The following TLN2 variants were observed in gnomAD, a reference collection of about 807,000 sequenced individuals.
TLN2 encodes the protein talin-2.
Under a neutral mutation model 294.7 loss-of-function variants are expected in TLN2, and 118 were observed. The observed-to-expected ratio is 0.40, with a 90% CI of 0.34 to 0.47. The LOEUF is 0.47. TLN2 is among the 20% of genes least tolerant of loss of function. TLN2 has a pLI of 0.84. For synonymous variants in TLN2, 1,431 were observed against 1,304.5 expected (o/e 1.10, Z -2.09); for missense variants, 3,083 against 3,282.2 (o/e 0.94, Z 1.48).
intron 54 of TLN2, chr15:62,831,605 C>T (rs1268554589): frequency 2.0e-5 from 3 of 152,074 alleles, no homozygotes; most frequent in African/African-American, 7.2e-5. Context: ...ATTCTATACT[C>T]CACCAGTCCA....
Position 62,702,811 on chromosome 15 carries a change from A to G in TLN2, c.1951A>G (p.Ser651Gly), listed in dbSNP as rs753813270. The change falls in exon 19 of 59, where the codon AGT becomes GGT. Residue 651 changes from serine to glycine, a missense_variant. Physicochemically the swap from Ser to Gly is moderately conservative, Grantham distance 56 (BLOSUM62 0). Transcript: ENST00000636159. ...LTAAGSIGQASGDLLRQIGEN... is the reference protein window; with the variant it reads ...LTAAGSIGQAGGDLLRQIGEN... ...TGCTGCTGGCAGCATCGGACAAGCC[A>G]GTGGGGATCTTCTGAGACAGATTGG... 1.2e-6 allele frequency: 2 copies of G among 1,614,070 alleles called. No homozygotes were observed. The highest frequency in any genetic ancestry group is 1.7e-6 in the Non-Finnish European group (2 of 1,180,040).
At chr15:62,534,569 T>C (rs2140505738) in intron 1 of TLN2, among the ~76,000 whole-genome samples, 1 of 152,286 alleles carries the variant, frequency 6.6e-6, no homozygotes, top group East Asian at 1.9e-4. Flanking sequence ...CCAGTCCATG[T>C]GAGTTTTTAT....
chr15:62,395,491 T>C (rs1003892294), intron 1 of TLN2, among the ~76,000 whole-genome samples: 5 of 152,206 alleles, frequency 3.3e-5, no homozygotes, highest in African/African-American at 9.7e-5. Context: ...AGACCATTGA[T>C]ATAAGTGTGA....
At chr15:62,518,960 A>G (rs911580677) in intron 1 of TLN2, among the ~76,000 whole-genome samples, 3 of 152,214 alleles carry the variant, frequency 2.0e-5, no homozygotes, top group Non-Finnish European at 4.4e-5. Flanking sequence ...GGCACTTTAC[A>G]TGTGCCACAC....
intron 3 of TLN2, among the ~76,000 whole-genome samples, chr15:62,624,612 T>C (rs2049114742): frequency 1.2e-5 from 1 of 82,618 alleles, no homozygotes; most frequent in Non-Finnish European, 2.4e-5. Flanking sequence ...ATAGATAAGC[T>C]TTGATGGTTT....
intron 45 of TLN2, among the ~76,000 whole-genome samples, chr15:62,790,405 AGAG>A (rs2064997235): frequency 6.6e-6 from 1 of 152,256 alleles, no homozygotes; most frequent in Non-Finnish European, 1.5e-5. Context: ...TCTACCGAGT[AGAG>A]CACTGTGCTC....
At chr15:62,468,440 A>G (rs904764419) in intron 1 of TLN2, among the ~76,000 whole-genome samples, 3 of 152,184 alleles carry the variant, frequency 2.0e-5, no homozygotes, top group African/African-American at 7.2e-5. Context: ...TTCTGAAATT[A>G]TTTAATGTTA....
chr15:62,506,091 A>T (rs893919868), intron 1 of TLN2, among the ~76,000 whole-genome samples: 16 of 152,238 alleles, frequency 1.1e-4, no homozygotes, highest in African/African-American at 3.6e-4. Flanking sequence ...AATGGAGCCT[A>T]TATTCTGGGA....
In TLN2 at chr15:62,723,453, G is replaced by A. The variant is rs1216575081; in HGVS notation, c.3126+966G>A. 4.0e-5 allele frequency among the ~76,000 whole-genome samples: 6 copies of A among 150,904 alleles called. No individual in the cohort carries two copies. The Admixed American group carries it at 4.0e-4, about 10-fold the overall frequency. ...TGAGTCTGAGACACACACCAACATT[G>A]AACCACACTGCTCGAAAGCAGTGAC... On this transcript the variant is annotated intron_variant, in intron 26 of 58. Transcript: ENST00000636159.
chr15:62,667,826 A>G (rs1281455455), intron 9 of TLN2, among the ~76,000 whole-genome samples: 1 of 152,242 alleles, frequency 6.6e-6, no homozygotes, highest in Non-Finnish European at 1.5e-5. Context: ...ACATAAGAAA[A>G]TGAGGTTCGA....
intron 25 of TLN2, 107 bp from the exon 26 acceptor site, chr15:62,722,246 T>C: frequency 7.7e-7 from 1 of 1,292,038 alleles, no homozygotes; most frequent in African/African-American, 1.5e-5. Context: ...TCCTTTTTTT[T>C]AGGACAAAAT....
chr15:62,458,197 C>T (rs75192374), intron 1 of TLN2, among the ~76,000 whole-genome samples: 5 of 152,206 alleles, frequency 3.3e-5, no homozygotes, highest in East Asian at 1.9e-4. Flanking sequence ...GCTTATGTAG[C>T]GATGACCAGT....
At chr15:62,671,301 T>G (rs968086164) in intron 9 of TLN2, among the ~76,000 whole-genome samples, 13 of 152,362 alleles carry the variant, frequency 8.5e-5, no homozygotes, top group African/African-American at 2.9e-4. Flanking sequence ...CCATTTTATT[T>G]TTTTTCTTTT....
intron 38 of TLN2, 96 bp downstream of exon 38, chr15:62,761,917 G>C (rs2062701074): frequency 2.6e-6 from 4 of 1,514,756 alleles, no homozygotes; most frequent in South Asian, 2.3e-5. Flanking sequence ...AGCTCTCTCT[G>C]TCAACATGTA....
At chr15:62,676,279 C>T (rs1437270160) in intron 11 of TLN2, among the ~76,000 whole-genome samples, 2 of 152,174 alleles carry the variant, frequency 1.3e-5, no homozygotes, top group African/African-American at 2.4e-5. Context: ...AGATGTTATG[C>T]ATCAGAAAGC....
In TLN2 at chr15:62,650,160, T is replaced by A. The variant is rs1490797620; in HGVS notation, c.213T>A (p.Asp71Glu). The A allele has an allele frequency of 6.2e-7, 1 of 1,614,180 alleles. No individual in the cohort carries two copies. The highest frequency in any genetic ancestry group is 1.7e-5 in the Admixed American group (1 of 60,028). ...GGCTGGAAGCGGGCAGAACACTGGA[T>A]TACTACATGTTGCGGAATGGGGTAT... ...GIWLEAGRTLDYYMLRNGDIL... is the reference protein window; with the variant it reads ...GIWLEAGRTLEYYMLRNGDIL... Residue 71 changes from aspartate (D) to glutamate (E), a missense_variant, in exon 5 of 59, where the codon GAT becomes GAA. Coordinates refer to ENST00000636159, the MANE Select transcript of TLN2 (RefSeq NM_015059.3).
intron 28 of TLN2, among the ~76,000 whole-genome samples, chr15:62,734,849 T>G (rs546192677): frequency 6.6e-6 from 1 of 152,288 alleles, no homozygotes; most frequent in South Asian, 2.1e-4. Flanking sequence ...TCACACTCTA[T>G]TGTATCTCAG....
At chr15:62,443,875 T>C (rs144986767) in intron 1 of TLN2, among the ~76,000 whole-genome samples, 9 of 152,298 alleles carry the variant, frequency 5.9e-5, no homozygotes, top group Middle Eastern at 3.4e-3. Flanking sequence ...GATATGTGGC[T>C]GTAGTCCTAG....
intron 1 of TLN2, among the ~76,000 whole-genome samples, chr15:62,399,639 T>G (rs1595721783): frequency 6.6e-6 from 1 of 152,204 alleles, no homozygotes; most frequent in Non-Finnish European, 1.5e-5. Flanking sequence ...AGACATGGAG[T>G]CAAAGGAGAG....
Sources: gnomAD v4.1 joint callset for allele counts (sites outside exome capture counted in the v4.1 genomes callset) on GRCh38, gnomAD v4.1.1 for gene constraint, MANE v1.5 for transcripts, NCBI Gene and HGNC (gene_info 2026-07-23, HGNC 2026-07-21) for gene names.